Variants in GPC5 observed in about 807,000 individuals in gnomAD.
The protein encoded by GPC5 is glypican-5.
A neutral mutation model predicts 53.9 loss-of-function variants in GPC5; 47 were observed. The observed-to-expected ratio is 0.87, with a 90% CI of 0.69 to 1.11. The LOEUF (loss-of-function observed/expected upper bound fraction) is 1.11, where lower values mean the gene tolerates loss of function less well. Ranked by LOEUF, GPC5 falls within the 50% of genes most tolerant of loss-of-function variation. GPC5 has a pLI of 0.00. For missense variants in GPC5, 748 were observed against 713.1 expected (o/e 1.05, Z -0.56); for synonymous variants, 286 against 263.3 (o/e 1.09, Z -0.84).
chr13:92,681,150 C>T (rs1381495364), intron 7 of GPC5, among the ~76,000 whole-genome samples: 1 of 151,762 alleles, frequency 6.6e-6, no homozygotes, highest in Non-Finnish European at 1.5e-5. Flanking sequence ...TTAAAATCGA[C>T]ATGGCCTTCA....
chr13:92,348,827 G>A (rs2043450285), intron 7 of GPC5, among the ~76,000 whole-genome samples: 1 of 151,956 alleles, frequency 6.6e-6, no homozygotes, highest in Non-Finnish European at 1.5e-5. Context: ...AACAACTAAT[G>A]GGTCAATACA....
intron 7 of GPC5, among the ~76,000 whole-genome samples, chr13:92,738,755 A>G (rs1477205066): frequency 6.6e-6 from 1 of 152,122 alleles, no homozygotes; most frequent in Non-Finnish European, 1.5e-5. Flanking sequence ...TGTTCTGTAG[A>G]CCAAAAATTC....
At chr13:91,761,113 C>T (rs80258014) in intron 5 of GPC5, among the ~76,000 whole-genome samples, 2,152 of 152,030 alleles carry the variant, frequency 0.014, 46 homozygotes, top group African/African-American at 0.049. Flanking sequence ...TTTGATGATT[C>T]GTTCTTTTCT....
intron 6 of GPC5, among the ~76,000 whole-genome samples, chr13:91,959,299 C>G (rs1268669752): frequency 6.6e-6 from 1 of 151,394 alleles, no homozygotes; most frequent in Non-Finnish European, 1.5e-5. Flanking sequence ...ACAGGAAAAC[C>G]TAGAAGAAAT....
At chr13:92,521,057 T>A (rs9556189) in intron 7 of GPC5, among the ~76,000 whole-genome samples, 86,287 of 151,898 alleles carry the variant, frequency 0.57, 25,258 homozygotes, top group East Asian at 0.75. Flanking sequence ...TACTTAGGAA[T>A]CCAACTTACA....
intron 7 of GPC5, among the ~76,000 whole-genome samples, chr13:92,662,149 G>A (rs973144788): frequency 2.6e-5 from 4 of 152,128 alleles, no homozygotes; most frequent in African/African-American, 7.2e-5. Flanking sequence ...CCAGCCCATC[G>A]TAATAACTCA....
chr13:92,081,301 C>G (rs1041537479), intron 6 of GPC5, among the ~76,000 whole-genome samples: 1 of 152,024 alleles, frequency 6.6e-6, no homozygotes, highest in African/African-American at 2.4e-5. Context: ...GGGGCTTCAC[C>G]ATGTTGGCCA....
intron 5 of GPC5, among the ~76,000 whole-genome samples, chr13:91,770,840 A>C (rs957508862): frequency 6.6e-6 from 1 of 152,110 alleles, no homozygotes; most frequent in Non-Finnish European, 1.5e-5. Context: ...GAAAACAAAC[A>C]TCTTATTTCA....
chr13:91,571,319 T>C (rs561303213), intron 2 of GPC5, among the ~76,000 whole-genome samples: 5 of 152,298 alleles, frequency 3.3e-5, no homozygotes, highest in Non-Finnish European at 7.4e-5. Context: ...TTTTTTAGAA[T>C]CTTTTCTGTT....
chr13:92,112,497 C>G (rs2138929583), intron 6 of GPC5, among the ~76,000 whole-genome samples: 1 of 152,176 alleles, frequency 6.6e-6, no homozygotes, highest in Admixed American at 6.5e-5. Context: ...ATGCTAAATT[C>G]TGTAAGACCT....
intron 7 of GPC5, among the ~76,000 whole-genome samples, chr13:92,222,172 C>G (rs958260096): frequency 2.6e-5 from 4 of 152,120 alleles, no homozygotes; most frequent in Non-Finnish European, 5.9e-5. Flanking sequence ...GCATCATGTG[C>G]CACTGTGTCA....
At chr13:91,895,072 C>T (rs2039426739) in intron 5 of GPC5, among the ~76,000 whole-genome samples, 1 of 151,106 alleles carries the variant, frequency 6.6e-6, no homozygotes, top group Non-Finnish European at 1.5e-5. Flanking sequence ...AAAAAAAGGC[C>T]TCTACAAAAA....
intron 5 of GPC5, among the ~76,000 whole-genome samples, chr13:91,827,173 C>G (rs1278882972): frequency 6.6e-6 from 1 of 151,810 alleles, no homozygotes; most frequent in Non-Finnish European, 1.5e-5. Context: ...TTTATATCAA[C>G]ATATCAGGTG....
At chr13:92,057,305 CA>C (rs752020523) in intron 6 of GPC5, among the ~76,000 whole-genome samples, 2 of 96,868 alleles carry the variant, frequency 2.1e-5, no homozygotes, top group Non-Finnish European at 4.3e-5. Context: ...AAACAAAAAA[CA>C]AAAAACAAAC....
chr13:92,071,012 C>T lies in GPC5; in HGVS notation c.1402-73818C>T, dbSNP rs528228628. ...CAGCACTTTGGGAGGCTGAGGCGGGCGGATCACGAGGTCAGGAGATCAAGA... is the reference window on the plus strand; with the variant it reads ...CAGCACTTTGGGAGGCTGAGGCGGGTGGATCACGAGGTCAGGAGATCAAGA... On this transcript the variant is annotated intron_variant, in intron 6 of 7. Coordinates refer to ENST00000377067, the MANE Select transcript of GPC5 (RefSeq NM_004466.6). Among the ~76,000 whole-genome samples the T allele has an allele frequency of 1.8e-4, 28 of 151,940 alleles. No individual in the cohort carries two copies. The South Asian group carries it at 4.2e-3, about 23-fold the overall frequency.
intron 7 of GPC5, among the ~76,000 whole-genome samples, chr13:92,813,818 C>T (rs1319374819): frequency 1.3e-5 from 2 of 151,948 alleles, no homozygotes; most frequent in Non-Finnish European, 1.5e-5. Flanking sequence ...GTTAATTTGT[C>T]CTAAATTAAT....
intron 7 of GPC5, among the ~76,000 whole-genome samples, chr13:92,667,160 G>A (rs72641042): frequency 0.049 from 7,488 of 152,148 alleles, 209 homozygotes; most frequent in East Asian, 0.08. Flanking sequence ...TCTGGGTTTC[G>A]AGGTCTTAAA....
At chr13:92,236,006 A>G (rs1409075904) in intron 7 of GPC5, among the ~76,000 whole-genome samples, 2 of 152,122 alleles carry the variant, frequency 1.3e-5, no homozygotes, top group Non-Finnish European at 2.9e-5. Context: ...TGACTCAGGT[A>G]GAATAGCATT....
At chr13:91,489,269 T>G (rs939838219) in intron 2 of GPC5, among the ~76,000 whole-genome samples, 2 of 152,212 alleles carry the variant, frequency 1.3e-5, no homozygotes, top group Non-Finnish European at 2.9e-5. Context: ...TAATAAAAAC[T>G]TGCTGGTTTT....
Sources: gnomAD v4.1 joint callset for allele counts (sites outside exome capture counted in the v4.1 genomes callset) on GRCh38, gnomAD v4.1.1 for gene constraint, MANE v1.5 for transcripts, NCBI Gene and HGNC (gene_info 2026-07-23, HGNC 2026-07-21) for gene names.